The following JMJD1C variants were observed in gnomAD, a reference collection of about 807,000 sequenced individuals.
JMJD1C encodes jumonji domain containing 1C.
Under a neutral mutation model 245.3 loss-of-function variants are expected in JMJD1C, and 31 were observed. The ratio of observed to expected loss-of-function variants is 0.13; its 90% CI spans 0.09 to 0.17. The LOEUF (loss-of-function observed/expected upper bound fraction) is 0.17. Ranked by LOEUF, JMJD1C falls within the 10% of genes least tolerant of loss-of-function variation. The pLI is 1.00. For synonymous variants in JMJD1C, 1,057 were observed against 1,017.4 expected, an observed-to-expected ratio of 1.04 and a Z score of -0.74; for missense variants, 2,691 against 3,000.2, an observed-to-expected ratio of 0.90 and a Z score of 2.41.
Position 63,214,797 on chromosome 10 carries a change from T to G in JMJD1C, c.1370A>C (p.Gln457Pro). 6.2e-7 allele frequency: 1 copy of G among 1,613,790 alleles called. No individual in the cohort carries two copies. Residue 457 changes from glutamine to proline, a missense_variant, in exon 8 of 26, where the codon CAA (glutamine) becomes CCA (proline). Coordinates refer to ENST00000399262, the MANE Select transcript of JMJD1C (RefSeq NM_032776.3). Reference sequence around the variant, plus strand: ...TGACGAATGAATAATCATATCTTCTTGAAGCTGAGTGTCAACAGACTTCCG... The same window carrying G: ...TGACGAATGAATAATCATATCTTCTGGAAGCTGAGTGTCAACAGACTTCCG... ...EKRKSVDTQLQEDMIIHSSEQ... is the reference protein window; with the variant it reads ...EKRKSVDTQLPEDMIIHSSEQ...
chr10:63,432,977 T>C (rs1950852232), intron 1 of JMJD1C, among the ~76,000 whole-genome samples: 1 of 152,252 alleles, frequency 6.6e-6, no homozygotes, highest in South Asian at 2.1e-4. Flanking sequence ...TTTCATTAAC[T>C]GTCCTGAGTT....
intron 3 of JMJD1C, among the ~76,000 whole-genome samples, chr10:63,260,746 C>T (rs1564698840): frequency 1.1e-4 from 4 of 36,188 alleles, no homozygotes; most frequent in African/African-American, 3.4e-4. Flanking sequence ...CCCGCCACCA[C>T]GCCGGTTAAT....
chr10:63,506,465 G>C (rs1372038943), intron 1 of JMJD1C, among the ~76,000 whole-genome samples: 2 of 152,148 alleles, frequency 1.3e-5, no homozygotes, highest in Non-Finnish European at 2.9e-5. Context: ...CCCCAGTTCT[G>C]AACTTGCACC....
intron 1 of JMJD1C, among the ~76,000 whole-genome samples, chr10:63,479,785 C>T (rs1287788083): frequency 2.0e-5 from 3 of 152,104 alleles, no homozygotes; most frequent in Non-Finnish European, 4.4e-5. Context: ...TAATCCATTA[C>T]ATTAGGACAC....
intron 2 of JMJD1C, among the ~76,000 whole-genome samples, chr10:63,375,183 CTTT>C (rs67008681): frequency 7.0e-4 from 65 of 92,966 alleles, no homozygotes; most frequent in African/African-American, 2.2e-3. Flanking sequence ...TAAAAATTGG[CTTT>C]TTTTTTTTTT....
At chr10:63,367,886 T>C (rs1945986858) in intron 2 of JMJD1C, among the ~76,000 whole-genome samples, 1 of 152,222 alleles carries the variant, frequency 6.6e-6, no homozygotes, top group South Asian at 2.1e-4. Flanking sequence ...GTACTTTATG[T>C]ACAGTAGTGT....
Position 63,214,079 on chromosome 10 carries a change from T to C in JMJD1C, c.2088A>G (p.Leu696=), listed in dbSNP as rs760845865. The C allele has an allele frequency of 3.1e-6, 5 of 1,614,092 alleles. No homozygotes were observed. Among genetic ancestry groups the C allele is most frequent in the Admixed American group, 1.7e-5 (1 of 60,010 alleles). The change falls in exon 8 of 26, where the codon TTA becomes TTG. Residue 696 remains leucine, a synonymous_variant. Transcript: ENST00000399262. ...FHPIPTRSST[L]ETTKSPLIID... Reference sequence around the variant, plus strand: ...TGATAAGAGGACTCTTTGTAGTTTCTAATGTACTGCTTCGAGTAGGAATTG... The same window carrying C: ...TGATAAGAGGACTCTTTGTAGTTTCCAATGTACTGCTTCGAGTAGGAATTG...
chr10:63,202,759 G>A, intron 10 of JMJD1C: 1 of 985,296 alleles, frequency 1.0e-6, no homozygotes, highest in South Asian at 4.7e-5. Context: ...CCTCCATTGT[G>A]CAAAAGAGAT....
intron 1 of JMJD1C, among the ~76,000 whole-genome samples, chr10:63,385,486 G>A (rs983627406): frequency 7.2e-6 from 1 of 138,726 alleles, no homozygotes; most frequent in Non-Finnish European, 1.5e-5. Flanking sequence ...CACCCAGGCT[G>A]GAGTATAGTG....
At chr10:63,258,542 T>C (rs1239359900) in intron 3 of JMJD1C, among the ~76,000 whole-genome samples, 1 of 152,176 alleles carries the variant, frequency 6.6e-6, no homozygotes, top group African/African-American at 2.4e-5. Context: ...GACATTCTAC[T>C]GTCCCCTAAA....
chr10:63,280,324 C>T (rs544151021), intron 2 of JMJD1C, among the ~76,000 whole-genome samples: 4 of 151,960 alleles, frequency 2.6e-5, no homozygotes, highest in South Asian at 4.2e-4. Context: ...CTGCGGTGGA[C>T]GGATCACAAG....
At chr10:63,180,033 T>A (rs1843289048) in intron 22 of JMJD1C, among the ~76,000 whole-genome samples, 1 of 152,236 alleles carries the variant, frequency 6.6e-6, no homozygotes, top group Non-Finnish European at 1.5e-5. Flanking sequence ...ACAGTCTCAC[T>A]CTGTCGCCCA....
Position 63,204,636 on chromosome 10 carries a change from C to T in JMJD1C, c.5074+1959G>A, listed in dbSNP as rs1173477394. The stretch of plus-strand genomic sequence containing the variant: ...GGGTAGTGAGGGAGAGTAAGGGGAA[C>T]ACATAAGAAAAAGCAACACTGTATA... On this transcript the variant is annotated intron_variant, in intron 10 of 25. Transcript: ENST00000399262. 5 of 985,216 alleles carry T rather than the reference C, an allele frequency of 5.1e-6. No homozygotes were observed. In the African/African-American group the frequency reaches 7.0e-5, roughly 14 times the overall value. The allele number at this position is 985,216 out of a possible 1,614,324, so 61.0% of individuals were successfully genotyped here.
At chr10:63,315,345 A>T (rs1006479045) in intron 2 of JMJD1C, among the ~76,000 whole-genome samples, 4 of 152,006 alleles carry the variant, frequency 2.6e-5, no homozygotes, top group East Asian at 3.9e-4. Context: ...TTTAGCTCTT[A>T]CTTGTAAGTA....
chr10:63,398,515 T>C (rs1302275474), intron 1 of JMJD1C, among the ~76,000 whole-genome samples: 1 of 152,174 alleles, frequency 6.6e-6, no homozygotes, highest in African/African-American at 2.4e-5. Flanking sequence ...AAGAGGCACA[T>C]ATGTGTTGTC....
rs374404040 is a variant in JMJD1C, at chr10:63,392,867, A to AACACACACACAAACACAC, written c.169-12386_169-12385insGTGTGTTTGTGTGTGTGT. ...AAAAAGGTGGGCAAAAAAGTACATA[A>AACACACACACAAACACAC]ACACACACACACACACACACACACA... On this transcript the variant is annotated intron_variant, in intron 1 of 25. Transcript: ENST00000399262. Among the ~76,000 whole-genome samples, 28 of 112,282 alleles carry AACACACACACAAACACAC rather than the reference A, an allele frequency of 2.5e-4. No homozygotes were observed. In the East Asian group the frequency reaches 6.4e-3, roughly 26 times the overall value. 73.7% of individuals were successfully genotyped at this position (112,282 alleles called of 152,430 possible).
intron 2 of JMJD1C, among the ~76,000 whole-genome samples, chr10:63,331,445 T>C (rs1368062816): frequency 1.3e-5 from 2 of 152,202 alleles, no homozygotes. Flanking sequence ...TTCATTTGCT[T>C]GCCCTATTTT....
intron 21 of JMJD1C, among the ~76,000 whole-genome samples, chr10:63,184,328 C>T (rs1297273122): frequency 1.3e-5 from 2 of 150,462 alleles, no homozygotes; most frequent in Non-Finnish European, 3.0e-5. Flanking sequence ...GCAACCTCCA[C>T]GCCTCCTGGG....
chr10:63,225,780 C>CA (rs36089482), intron 3 of JMJD1C, among the ~76,000 whole-genome samples: 1,664 of 94,324 alleles, frequency 0.018, 9 homozygotes, highest in African/African-American at 0.03. Context: ...ACTGCATCTC[C>CA]AAAAAAAAAA....
Sources: gnomAD v4.1 joint callset for allele counts (sites outside exome capture counted in the v4.1 genomes callset) on GRCh38, gnomAD v4.1.1 for gene constraint, MANE v1.5 for transcripts, NCBI Gene and HGNC (gene_info 2026-07-23, HGNC 2026-07-21) for gene names.